Variants in MTURN observed in about 807,000 individuals in gnomAD.
MTURN encodes the protein maturin, neural progenitor differentiation regulator homolog.
In MTURN, 7 loss-of-function variants were observed where a neutral mutation model predicts 14.9. The observed-to-expected ratio is 0.47, with a 90% CI of 0.27 to 0.88. The LOEUF is 0.88. Among genes scored for constraint, MTURN ranks in the 40% least tolerant of loss-of-function variants. The pLI is 0.14. For missense variants in MTURN, 151 were observed against 174.1 expected (o/e 0.87, Z 0.75); for synonymous variants, 69 against 72.5 (o/e 0.95, Z 0.25).
intron 1 of MTURN, among the ~76,000 whole-genome samples, chr7:30,141,765 C>T (rs1797056192): frequency 6.6e-6 from 1 of 152,222 alleles, no homozygotes. Flanking sequence ...TCAAGCAGCT[C>T]TTCCGCCTTG....
chr7:30,142,424 T>G (rs559297604), intron 1 of MTURN, among the ~76,000 whole-genome samples: 1 of 152,270 alleles, frequency 6.6e-6, no homozygotes, highest in Admixed American at 6.5e-5. Context: ...GGAAAGATAT[T>G]TAAATGTCAC....
chr7:30,158,507 T>TAAAA lies in MTURN; in HGVS notation c.*967_*970dup, dbSNP rs3050192. The TAAAA allele has an allele frequency of 6.7e-6, 1 of 148,744 alleles. No homozygotes were observed. Among genetic ancestry groups the TAAAA allele is most frequent in the African/African-American group, 2.5e-5 (1 of 40,554 alleles). 9.2% of individuals were successfully genotyped at this position (148,744 alleles called of 1,614,324 possible). On this transcript the variant is annotated 3_prime_UTR_variant, in exon 3 of 3. Coordinates refer to ENST00000324453, the MANE Select transcript of MTURN (RefSeq NM_152793.3). Reference sequence around the variant, plus strand: ...TTCTTTACTTTTTAAGTCTTTTATTTAAAAAAAAAAAGTCAAAAAAAGGAT... The same window carrying TAAAA: ...TTCTTTACTTTTTAAGTCTTTTATTTAAAAAAAAAAAAAAAGTCAAAAAAAGGAT...
intron 1 of MTURN, among the ~76,000 whole-genome samples, chr7:30,135,533 C>T (rs1436328853): frequency 4.0e-5 from 6 of 151,720 alleles, no homozygotes; most frequent in Non-Finnish European, 7.4e-5. Context: ...TCCGGGGAGC[C>T]GGGTCGGGGC....
intron 2 of MTURN, among the ~76,000 whole-genome samples, chr7:30,154,111 A>G (rs1416178444): frequency 6.6e-6 from 1 of 152,218 alleles, no homozygotes; most frequent in Non-Finnish European, 1.5e-5. Flanking sequence ...GTTTTACCGT[A>G]CTGACATACA....
chr7:30,156,343 C>G (rs1021283942), intron 2 of MTURN, among the ~76,000 whole-genome samples: 2 of 152,018 alleles, frequency 1.3e-5, no homozygotes, highest in Admixed American at 1.3e-4. Flanking sequence ...TTACTGAAGT[C>G]TTTTTTCTAT....
intron 2 of MTURN, among the ~76,000 whole-genome samples, chr7:30,154,627 G>A (rs539888681): frequency 2.2e-4 from 34 of 152,320 alleles, no homozygotes; most frequent in African/African-American, 7.9e-4. Flanking sequence ...CAGCAAGGTG[G>A]TGACTTGGCA....
chr7:30,149,365 A>C (rs1270460977), intron 2 of MTURN, among the ~76,000 whole-genome samples: 1 of 152,136 alleles, frequency 6.6e-6, no homozygotes, highest in Non-Finnish European at 1.5e-5. Context: ...GTGGCACAGC[A>C]TGCCCTTTGG....
chr7:30,146,648 C>A (rs530423464), intron 2 of MTURN, among the ~76,000 whole-genome samples: 1 of 152,198 alleles, frequency 6.6e-6, no homozygotes, highest in African/African-American at 2.4e-5. Context: ...AATGGAGGTT[C>A]TTTTATAATA....
chr7:30,138,792 C>G (rs913636502), intron 1 of MTURN, among the ~76,000 whole-genome samples: 2 of 152,208 alleles, frequency 1.3e-5, no homozygotes, highest in Non-Finnish European at 2.9e-5. Context: ...CCCAAGCCCC[C>G]ACATGATCTA....
At chr7:30,156,214 A>G (rs1797285588) in intron 2 of MTURN, among the ~76,000 whole-genome samples, 1 of 152,214 alleles carries the variant, frequency 6.6e-6, no homozygotes, top group Non-Finnish European at 1.5e-5. Flanking sequence ...TTAAAAAACG[A>G]TGTTTATTTT....
rs1019062939 is a variant in MTURN at position 30,158,521 on chromosome 7, CAAAA to C, written c.*977_*980del. ...AGTCTTTTATTTAAAAAAAAAAAGT[CAAAA>C]AAAGGATTCCATTGTGTAATTTATT... On this transcript the variant is annotated 3_prime_UTR_variant, in exon 3 of 3. Coordinates refer to ENST00000324453, the MANE Select transcript of MTURN (RefSeq NM_152793.3). The C allele has an allele frequency of 1.3e-5, 2 of 148,768 alleles. No homozygotes were observed. Among genetic ancestry groups the C allele is most frequent in the African/African-American group, 2.5e-5 (1 of 40,134 alleles). The allele number at this position is 148,768 out of a possible 1,614,324, so 9.2% of individuals were successfully genotyped here.
At chr7:30,142,049 C>T (rs1271275809) in intron 1 of MTURN, among the ~76,000 whole-genome samples, 1 of 152,150 alleles carries the variant, frequency 6.6e-6, no homozygotes, top group Non-Finnish European at 1.5e-5. Context: ...TAGGGGTGCA[C>T]ACATTGTGCT....
intron 1 of MTURN, among the ~76,000 whole-genome samples, chr7:30,136,426 TCGCG>T (rs1796962712): frequency 6.6e-6 from 1 of 152,076 alleles, no homozygotes; most frequent in Non-Finnish European, 1.5e-5. Context: ...GACCGTGTGG[TCGCG>T]GGCCTTGTGG....
At position 30,135,122 on chromosome 7, in the gene MTURN, G is replaced by A. The variant is rs997913330; in HGVS notation, c.-15G>A. On this transcript the variant is annotated 5_prime_UTR_variant, in exon 1 of 3. Coordinates refer to ENST00000324453, the MANE Select transcript of MTURN (RefSeq NM_152793.3). ...GGGAGGGCGGGCGGCGGCGGGAGGC[G>A]GGCGCGGGGCCGCGATGGATTTCCA... 11 of 1,425,912 alleles carry A rather than the reference G, an allele frequency of 7.7e-6. No homozygotes were observed. The highest frequency in any genetic ancestry group is 1.0e-5 in the Non-Finnish European group (11 of 1,077,960). The allele number at this position is 1,425,912 out of a possible 1,614,324, so 88.3% of individuals were successfully genotyped here.
chr7:30,150,682 G>C (rs532894475), intron 2 of MTURN, among the ~76,000 whole-genome samples: 1 of 152,360 alleles, frequency 6.6e-6, no homozygotes, highest in East Asian at 1.9e-4. Flanking sequence ...CCAGGCAGTG[G>C]CTTCATGAGG....
At position 30,162,584 on chromosome 7, in the gene MTURN, A is replaced by G. The variant is rs1220361162; in HGVS notation, c.*5036A>G. On this transcript the variant is annotated 3_prime_UTR_variant, in exon 3 of 3. Coordinates refer to ENST00000324453, the MANE Select transcript of MTURN (RefSeq NM_152793.3). ...TTTCCTTTCAAAGAAATCTCTTGTA[A>G]ATTACAAAACTGTGAATTGGGTTGC... 1 of 152,134 alleles carries G rather than the reference A, an allele frequency of 6.6e-6. No individual in the cohort carries two copies. The highest frequency in any genetic ancestry group is 1.9e-4 in the East Asian group (1 of 5,184). The allele number at this position is 152,134 out of a possible 1,614,324, so 9.4% of individuals were successfully genotyped here. A position where few individuals can be genotyped will look rare whatever the true frequency, so the allele number is the denominator to read the frequency against.
At chr7:30,156,915 A>G (rs1235060551) in intron 2 of MTURN, among the ~76,000 whole-genome samples, 1 of 152,208 alleles carries the variant, frequency 6.6e-6, no homozygotes, top group East Asian at 1.9e-4. Flanking sequence ...AAGTCATTCA[A>G]AAATGCCATT....
intron 2 of MTURN, among the ~76,000 whole-genome samples, chr7:30,151,652 T>A (rs1259779150): frequency 6.6e-6 from 1 of 152,218 alleles, no homozygotes; most frequent in Non-Finnish European, 1.5e-5. Context: ...TGTGTTCTTC[T>A]CCTTACCAAC....
At chr7:30,154,458 A>T (rs148351810) in intron 2 of MTURN, among the ~76,000 whole-genome samples, 124 of 152,230 alleles carry the variant, frequency 8.1e-4, no homozygotes, top group African/African-American at 2.8e-3. Context: ...TTCCTTAGAG[A>T]TAATATAGCT....
Sources: allele counts gnomAD v4.1 joint callset (sites outside exome capture counted in the v4.1 genomes callset), GRCh38; gene constraint gnomAD v4.1.1; transcripts MANE v1.5; gene names NCBI Gene and HGNC (gene_info 2026-07-23, HGNC 2026-07-21).